The following NHLRC2 variants were observed in gnomAD, a reference collection of about 807,000 sequenced individuals.
The protein encoded by NHLRC2 is NHL repeat containing 2.
NHLRC2 carries 33 observed loss-of-function variants against 68.1 expected under a neutral mutation model. The observed-to-expected ratio is 0.48, with a 90% CI of 0.37 to 0.65. The LOEUF (loss-of-function observed/expected upper bound fraction) is 0.65. NHLRC2 is among the 30% of genes least tolerant of loss of function. The pLI, the probability that NHLRC2 is intolerant of heterozygous loss-of-function variation, is 0.00. For synonymous variants in NHLRC2, 311 were observed against 309.6 expected (o/e 1.00, Z -0.05); for missense variants, 761 against 853.8 (o/e 0.89, Z 1.35).
chr10:113,874,922 T>A (rs77696622), intron 2 of NHLRC2, among the ~76,000 whole-genome samples: 1,999 of 152,086 alleles, frequency 0.013, 42 homozygotes, highest in African/African-American at 0.044. Flanking sequence ...TTCTCTGTTT[T>A]TATTTCCTGT....
chr10:113,861,790 T>C (rs1459971954), intron 2 of NHLRC2, among the ~76,000 whole-genome samples: 1 of 152,236 alleles, frequency 6.6e-6, no homozygotes, highest in East Asian at 1.9e-4. Flanking sequence ...AACTCCACTT[T>C]TTGTTTTCTA....
At position 113,917,116 on chromosome 10, in the gene NHLRC2, T is replaced by C. The variant is rs886953493; in HGVS notation, c.*8580T>C. The stretch of plus-strand genomic sequence containing the variant: ...AGAAGGTGAGAATGTGTTTATACTG[T>C]ATATGGAAACCTAATGCCTCTTTTC... On this transcript the variant is annotated 3_prime_UTR_variant, in exon 11 of 11. Transcript: ENST00000369301. The C allele has an allele frequency of 6.6e-5, 10 of 152,178 alleles. No individual in the cohort carries two copies. Among genetic ancestry groups the C allele is most frequent in the African/African-American group, 2.4e-4 (10 of 41,450 alleles). 9.4% of individuals were successfully genotyped at this position (152,178 alleles called of 1,614,324 possible). A position where few individuals can be genotyped will look rare whatever the true frequency, so the allele number is the denominator to read the frequency against.
In NHLRC2 at chr10:113,905,051, T is replaced by G; in HGVS notation, c.1924+15T>G. The G allele has an allele frequency of 8.1e-7, 1 of 1,234,516 alleles. No homozygotes were observed. Among genetic ancestry groups the G allele is most frequent in the Admixed American group, 2.4e-5 (1 of 40,996 alleles). The allele number at this position is 1,234,516 out of a possible 1,614,324, so 76.5% of individuals were successfully genotyped here. On this transcript the variant is annotated intron_variant, in intron 10 of 10. Transcript: ENST00000369301. ...AACAGCTGAAGGTATGAGTATAAGC[T>G]TGCAAATACTAATACATCATATATT...
chr10:113,898,335 C>T (rs1589547310), intron 6 of NHLRC2, 126 bp downstream of exon 6: 6 of 545,590 alleles, frequency 1.1e-5, no homozygotes, highest in Middle Eastern at 4.8e-4. Context: ...TAGCACACAA[C>T]GCAGATTCTC....
At chr10:113,873,467 C>G (rs1845948396) in intron 2 of NHLRC2, among the ~76,000 whole-genome samples, 1 of 152,024 alleles carries the variant, frequency 6.6e-6, no homozygotes, top group Admixed American at 6.6e-5. Flanking sequence ...AGGTAGTTGA[C>G]CTTATGTTAT....
chr10:113,911,924 TG>T lies in NHLRC2; in HGVS notation c.*3394del, dbSNP rs1846333674. Reference sequence around the variant, plus strand: ...CAATCTGTTATTTTTAAAATCACGGTGGGGGGAAACCCATAAAGTTTAAAGA... The same window carrying T: ...CAATCTGTTATTTTTAAAATCACGGTGGGGGAAACCCATAAAGTTTAAAGA... On this transcript the variant is annotated 3_prime_UTR_variant, in exon 11 of 11. Transcript: ENST00000369301. 1.3e-5 allele frequency: 2 copies of T among 152,172 alleles called. No homozygotes were observed. Among genetic ancestry groups the T allele is most frequent in the East Asian group, 1.9e-4 (1 of 5,192 alleles). The allele number at this position is 152,172 out of a possible 1,614,324, so 9.4% of individuals were successfully genotyped here. A position where few individuals can be genotyped will look rare whatever the true frequency, so the allele number is the denominator to read the frequency against.
At chr10:113,905,716 C>G (rs1362994611) in intron 10 of NHLRC2, among the ~76,000 whole-genome samples, 1 of 152,168 alleles carries the variant, frequency 6.6e-6, no homozygotes, top group Middle Eastern at 3.2e-3. Context: ...CTCCTTCATA[C>G]CCTCTCACAC....
rs1169108158 is a variant in NHLRC2, at chr10:113,871,015, CTTTTT to C, written c.332-5484_332-5480del. On this transcript the variant is annotated intron_variant, in intron 2 of 10. Coordinates refer to ENST00000369301, the MANE Select transcript of NHLRC2 (RefSeq NM_198514.4). ...TGTTAATTATTCTTGCTTCCTGCAT[CTTTTT>C]TTTTTTTTTTTTTTTTTTTTTGAGA... Among the ~76,000 whole-genome samples the C allele has an allele frequency of 1.2e-4, 8 of 65,750 alleles. No individual in the cohort carries two copies. The South Asian group carries it at 4.5e-3, about 37-fold the overall frequency. 43.1% of individuals were successfully genotyped at this position (65,750 alleles called of 152,430 possible).
At chr10:113,893,882 G>A (rs1317382102) in intron 5 of NHLRC2, among the ~76,000 whole-genome samples, 2 of 152,134 alleles carry the variant, frequency 1.3e-5, no homozygotes, top group Non-Finnish European at 2.9e-5. Context: ...TGTTCCTAAA[G>A]CTTAGAGCTA....
intron 1 of NHLRC2, among the ~76,000 whole-genome samples, chr10:113,857,815 T>G (rs1049780717): frequency 6.6e-6 from 1 of 152,134 alleles, no homozygotes; most frequent in African/African-American, 2.4e-5. Context: ...AACTTTACAT[T>G]TAGCATATTT....
chr10:113,855,612 C>T (rs1241231629), intron 1 of NHLRC2, among the ~76,000 whole-genome samples: 1 of 152,090 alleles, frequency 6.6e-6, no homozygotes, highest in Non-Finnish European at 1.5e-5. Context: ...GGACTACAGG[C>T]CCGCGCCACC....
chr10:113,883,639 T>G (rs1314895487), intron 4 of NHLRC2, among the ~76,000 whole-genome samples: 1 of 151,914 alleles, frequency 6.6e-6, no homozygotes, highest in Non-Finnish European at 1.5e-5. Context: ...GTAGAATACA[T>G]TAGTTTTTCA....
intron 5 of NHLRC2, among the ~76,000 whole-genome samples, chr10:113,891,261 C>T (rs1228370031): frequency 1.3e-5 from 2 of 152,110 alleles, no homozygotes; most frequent in South Asian, 2.1e-4. Flanking sequence ...CCACCTTTTT[C>T]TCTAGGTTCT....
chr10:113,888,004 A>G (rs1456286471), intron 5 of NHLRC2, among the ~76,000 whole-genome samples: 5 of 152,152 alleles, frequency 3.3e-5, no homozygotes, highest in Non-Finnish European at 1.5e-5. Context: ...CTAAGGTGAG[A>G]GGATTTCTTA....
intron 2 of NHLRC2, among the ~76,000 whole-genome samples, chr10:113,875,939 C>A (rs977224120): frequency 7.2e-6 from 1 of 138,636 alleles, no homozygotes; most frequent in Non-Finnish European, 1.6e-5. Context: ...GTACTAATTT[C>A]TTGAAATAAT....
In NHLRC2 at chr10:113,914,843, T is replaced by C. The variant is rs1846365758; in HGVS notation, c.*6307T>C. ...CCCATGTCTTTGCAATAGGATAATA[T>C]AAAGAATAGTATTAAAAGTCAGAGG... On this transcript the variant is annotated 3_prime_UTR_variant, in exon 11 of 11. Coordinates refer to ENST00000369301, the MANE Select transcript of NHLRC2 (RefSeq NM_198514.4). 4 of 360,044 alleles carry C rather than the reference T, an allele frequency of 1.1e-5. No homozygotes were observed. Among genetic ancestry groups the C allele is most frequent in the African/African-American group, 2.1e-5 (1 of 46,764 alleles). The allele number at this position is 360,044 out of a possible 1,614,324, so 22.3% of individuals were successfully genotyped here. A position where few individuals can be genotyped will look rare whatever the true frequency, so the allele number is the denominator to read the frequency against.
chr10:113,864,865 T>C (rs1845849986), intron 2 of NHLRC2, among the ~76,000 whole-genome samples: 1 of 151,914 alleles, frequency 6.6e-6, no homozygotes, highest in Admixed American at 6.5e-5. Context: ...TGTAAGAAAT[T>C]TTATGAGCCA....
chr10:113,908,303 C>T lies in NHLRC2; in HGVS notation c.1948C>T (p.Gln650Ter). 1 of 1,613,322 alleles carries T rather than the reference C, an allele frequency of 6.2e-7. No individual in the cohort carries two copies. The highest frequency in any genetic ancestry group is 8.5e-7 in the Non-Finnish European group (1 of 1,179,270). The part of the protein sequence containing the change: ...AEGNEWLLQG[Q>*]IAAGDIENIS... Reference sequence around the variant, plus strand: ...AGGCAATGAATGGCTACTTCAAGGACAGATAGCAGCTGGAGATATAGAGAA... The same window carrying T: ...AGGCAATGAATGGCTACTTCAAGGATAGATAGCAGCTGGAGATATAGAGAA... Residue 650 changes from glutamine (Q) to a stop codon, truncating the protein, a stop_gained, in exon 11 of 11, where the codon CAG becomes TAG. Coordinates refer to ENST00000369301, the MANE Select transcript of NHLRC2 (RefSeq NM_198514.4). LOFTEE classifies it high-confidence loss of function.
Position 113,854,863 on chromosome 10 carries a change from C to T in NHLRC2, c.-10C>T, listed in dbSNP as rs1337411457. On this transcript the variant is annotated 5_prime_UTR_variant, in exon 1 of 11. Coordinates refer to ENST00000369301, the MANE Select transcript of NHLRC2 (RefSeq NM_198514.4). ...GGGCCCGGCGGCCGCATCGGGAGCC[C>T]GGCGGAAACATGGCGGCGCCCGGAG... 39 of 1,538,586 alleles carry T rather than the reference C, an allele frequency of 2.5e-5. No homozygotes were observed. Among genetic ancestry groups the T allele is most frequent in the Non-Finnish European group, 3.0e-5 (34 of 1,142,430 alleles).
Sources: gnomAD v4.1 joint callset for allele counts (sites outside exome capture counted in the v4.1 genomes callset) on GRCh38, gnomAD v4.1.1 for gene constraint, MANE v1.5 for transcripts, NCBI Gene and HGNC (gene_info 2026-07-23, HGNC 2026-07-21) for gene names.